Variants in DPP10 observed in about 807,000 individuals in gnomAD.
DPP10 encodes the protein inactive dipeptidyl peptidase 10.
In DPP10, 33 loss-of-function variants were observed where a neutral mutation model predicts 120.9. That is an observed-to-expected ratio of 0.27 (90% CI 0.21 to 0.37). The LOEUF (loss-of-function observed/expected upper bound fraction) is 0.37, where lower values mean the gene tolerates loss of function less well. Among genes scored for constraint, DPP10 ranks in the 10% least tolerant of loss-of-function variants. The pLI is 1.00. For missense variants in DPP10, 816 were observed against 942.8 expected, an observed-to-expected ratio of 0.87 and a Z score of 1.76; for synonymous variants, 337 against 326.1, an observed-to-expected ratio of 1.03 and a Z score of -0.36.
At chr2:115,661,739 T>C (rs2088991725) in intron 5 of DPP10, among the ~76,000 whole-genome samples, 2 of 152,198 alleles carry the variant, frequency 1.3e-5, no homozygotes, top group South Asian at 4.1e-4. Context: ...TGTGCTATAA[T>C]TGACAATTAA....
intron 1 of DPP10, among the ~76,000 whole-genome samples, chr2:115,082,325 G>T (rs772827951): frequency 1.3e-5 from 2 of 152,086 alleles, no homozygotes; most frequent in South Asian, 4.1e-4. Context: ...AGGTAGCCAG[G>T]CTTCGTGCTC....
In DPP10 at chr2:115,844,554, C is replaced by T. The variant is rs1370458872; in HGVS notation, c.*2209C>T. ...CCTGCGATTCTTTGAGTTTTAATGA[C>T]AGGGTCATTTTCAGTAAAGGAAATG... On this transcript the variant is annotated 3_prime_UTR_variant, in exon 26 of 26. Coordinates refer to ENST00000410059, the MANE Select transcript of DPP10 (RefSeq NM_020868.6). 4 of 152,122 alleles carry T rather than the reference C, an allele frequency of 2.6e-5. No individual in the cohort carries two copies. Among genetic ancestry groups the T allele is most frequent in the Non-Finnish European group, 5.9e-5 (4 of 68,004 alleles). 9.4% of individuals were successfully genotyped at this position (152,122 alleles called of 1,614,324 possible). A position where few individuals can be genotyped will look rare whatever the true frequency, so the allele number is the denominator to read the frequency against.
chr2:115,446,962 G>A (rs751198370), intron 3 of DPP10, among the ~76,000 whole-genome samples: 66 of 152,192 alleles, frequency 4.3e-4, no homozygotes, highest in Non-Finnish European at 8.2e-4. Context: ...TGACCAGGAT[G>A]ACAGTGCTCT....
chr2:115,501,860 A>G (rs1469927845), intron 4 of DPP10, among the ~76,000 whole-genome samples: 1 of 152,092 alleles, frequency 6.6e-6, no homozygotes, highest in African/African-American at 2.4e-5. Context: ...TTTCTCTTCC[A>G]GGAAACTCTG....
intron 1 of DPP10, among the ~76,000 whole-genome samples, chr2:115,045,874 A>T (rs916964913): frequency 6.6e-6 from 1 of 152,106 alleles, no homozygotes; most frequent in African/African-American, 2.4e-5. Flanking sequence ...CAGAGGCAGT[A>T]ATTTTGATTT....
intron 1 of DPP10, among the ~76,000 whole-genome samples, chr2:114,999,545 G>T (rs928185615): frequency 1.3e-5 from 2 of 152,104 alleles, no homozygotes; most frequent in African/African-American, 2.4e-5. Context: ...ATTGTGCTCT[G>T]CAGCTGCATT....
At chr2:115,367,514 CAT>C (rs2065149576) in intron 3 of DPP10, among the ~76,000 whole-genome samples, 1 of 151,964 alleles carries the variant, frequency 6.6e-6, no homozygotes, top group Non-Finnish European at 1.5e-5. Flanking sequence ...TATTAACTAT[CAT>C]ATGACTTTTT....
chr2:114,668,689 T>G (rs1698114921), intron 1 of DPP10, among the ~76,000 whole-genome samples: 1 of 152,170 alleles, frequency 6.6e-6, no homozygotes, highest in South Asian at 2.1e-4. Flanking sequence ...ACTGTTGATA[T>G]GGGCAGAACT....
chr2:114,671,911 A>C (rs1429511687), intron 1 of DPP10, among the ~76,000 whole-genome samples: 1 of 152,162 alleles, frequency 6.6e-6, no homozygotes, highest in African/African-American at 2.4e-5. Context: ...GAAAATAATC[A>C]TATTTTCTCA....
At chr2:115,493,282 G>A (rs891528289) in intron 3 of DPP10, among the ~76,000 whole-genome samples, 5 of 151,878 alleles carry the variant, frequency 3.3e-5, no homozygotes, top group African/African-American at 9.7e-5. Flanking sequence ...GAAGATACAG[G>A]AAAGGTGTAA....
intron 1 of DPP10, among the ~76,000 whole-genome samples, chr2:115,156,585 C>A (rs112516702): frequency 0.034 from 5,233 of 152,158 alleles, 98 homozygotes; most frequent in African/African-American, 0.04. Context: ...GTGTTTTGTG[C>A]TATTATGGGA....
At chr2:114,481,678 G>C (rs915450384) in intron 1 of DPP10, among the ~76,000 whole-genome samples, 1 of 152,126 alleles carries the variant, frequency 6.6e-6, no homozygotes, top group Non-Finnish European at 1.5e-5. Context: ...ATTATTCTGA[G>C]TGAAATAAGC....
At chr2:115,599,171 T>G (rs2083168871) in intron 5 of DPP10, among the ~76,000 whole-genome samples, 1 of 152,146 alleles carries the variant, frequency 6.6e-6, no homozygotes, top group Non-Finnish European at 1.5e-5. Context: ...TGAATTTGTC[T>G]TATTTGGCAT....
At chr2:115,278,710 G>A (rs2060017508) in intron 1 of DPP10, among the ~76,000 whole-genome samples, 1 of 151,958 alleles carries the variant, frequency 6.6e-6, no homozygotes, top group Admixed American at 6.6e-5. Flanking sequence ...GAACTAGTAG[G>A]GTGAGAATTC....
chr2:114,572,077 C>A (rs913428754), intron 1 of DPP10, among the ~76,000 whole-genome samples: 4 of 150,858 alleles, frequency 2.7e-5, no homozygotes. Context: ...TAATGAATAA[C>A]CACTACCATC....
chr2:115,339,530 A>C (rs746539317), intron 2 of DPP10, among the ~76,000 whole-genome samples: 1 of 152,194 alleles, frequency 6.6e-6, no homozygotes, highest in Non-Finnish European at 1.5e-5. Context: ...CTTTATTTTT[A>C]ATATCCCCAA....
intron 7 of DPP10, among the ~76,000 whole-genome samples, chr2:115,714,143 C>G (rs560376306): frequency 6.6e-6 from 1 of 152,278 alleles, no homozygotes; most frequent in East Asian, 1.9e-4. Flanking sequence ...ATGTGAAAAA[C>G]AGTCCATTTT....
At chr2:115,490,772 T>C (rs2076066573) in intron 3 of DPP10, among the ~76,000 whole-genome samples, 1 of 152,206 alleles carries the variant, frequency 6.6e-6, no homozygotes, top group Non-Finnish European at 1.5e-5. Context: ...ATTTGCAAGA[T>C]AGTATTAAAA....
chr2:115,551,499 G>A (rs1017233774), intron 5 of DPP10, among the ~76,000 whole-genome samples: 1 of 152,034 alleles, frequency 6.6e-6, no homozygotes, highest in Non-Finnish European at 1.5e-5. Context: ...TCATTTTGCT[G>A]CTAATTTTTG....
Sources: gnomAD v4.1 joint callset for allele counts (sites outside exome capture counted in the v4.1 genomes callset) on GRCh38, gnomAD v4.1.1 for gene constraint, MANE v1.5 for transcripts, NCBI Gene and HGNC (gene_info 2026-07-23, HGNC 2026-07-21) for gene names.